C10orf67: variants seen among roughly 807,000 people sequenced by gnomAD.
The protein encoded by C10orf67 is chromosome 10 open reading frame 67.
C10orf67 carries 60 observed loss-of-function variants against 35.6 expected under a neutral mutation model. The observed-to-expected ratio is 1.68, with a 90% confidence interval of 1.37 to 2.09. The LOEUF (loss-of-function observed/expected upper bound fraction) is 2.09. Ranked by LOEUF, C10orf67 falls within the 30% of genes most tolerant of loss-of-function variation. The pLI is 0.00. For missense variants in C10orf67, 474 were observed against 330.2 expected (o/e 1.44, Z -3.38); for synonymous variants, 167 against 115.8 (o/e 1.44, Z -2.84).
chr10:23,264,971 G>C (rs1402636191), intron 10 of C10orf67, among the ~76,000 whole-genome samples: 1 of 152,046 alleles, frequency 6.6e-6, no homozygotes, highest in Non-Finnish European at 1.5e-5. Flanking sequence ...TTTTATATGT[G>C]GTCCAAAAAA....
At chr10:23,301,166 C>T (rs1564497981) in intron 5 of C10orf67, among the ~76,000 whole-genome samples, 2 of 152,226 alleles carry the variant, frequency 1.3e-5, no homozygotes, top group Non-Finnish European at 2.9e-5. Context: ...GGGGTGCACG[C>T]ATGGGCGACT....
intron 3 of C10orf67, 22 bp from the exon 4 acceptor site, chr10:23,320,837 A>G (rs1214023903): frequency 6.7e-7 from 1 of 1,493,904 alleles, no homozygotes; most frequent in Admixed American, 2.0e-5. Flanking sequence ...AATAAATGCA[A>G]TAAGCACCAT....
In C10orf67 at chr10:23,203,973, C is replaced by T. The variant is rs568421216; in HGVS notation, c.*200G>A. 2.7e-5 allele frequency: 10 copies of T among 368,574 alleles called. No individual in the cohort carries two copies. Among genetic ancestry groups the T allele is most frequent in the African/African-American group, 1.7e-4 (8 of 47,942 alleles). 22.8% of individuals were successfully genotyped at this position (368,574 alleles called of 1,614,324 possible). A position where few individuals can be genotyped will look rare whatever the true frequency, so the allele number is the denominator to read the frequency against. On this transcript the variant is annotated 3_prime_UTR_variant, in exon 16 of 16. Coordinates refer to ENST00000636213, the MANE Select transcript of C10orf67 (RefSeq NM_001371909.1). ...CACCAGCCAGGGCTTTCCTTAAAGG[C>T]GTGGAAAGGAGCGCGCACAAGGCGC... is the stretch of plus-strand genomic sequence containing the variant.
At chr10:23,233,113 T>C (rs185611860) in intron 13 of C10orf67, among the ~76,000 whole-genome samples, 50 of 152,292 alleles carry the variant, frequency 3.3e-4, no homozygotes, top group Non-Finnish European at 2.2e-4. Context: ...GCTATGATCA[T>C]GTTACTGCAC....
intron 1 of C10orf67, among the ~76,000 whole-genome samples, chr10:23,342,237 C>CAT (rs1845922794): frequency 6.6e-6 from 1 of 151,636 alleles, no homozygotes; most frequent in Admixed American, 6.6e-5. Context: ...CACACACACA[C>CAT]ACACTCTCAC....
At chr10:23,291,651 G>T (rs1843722584) in intron 5 of C10orf67, among the ~76,000 whole-genome samples, 1 of 152,194 alleles carries the variant, frequency 6.6e-6, no homozygotes, top group Admixed American at 6.5e-5. Flanking sequence ...TAGGCAGGCT[G>T]GGGGGACCAG....
intron 2 of C10orf67, among the ~76,000 whole-genome samples, chr10:23,328,916 T>A (rs1399482864): frequency 7.2e-6 from 1 of 138,822 alleles, no homozygotes; most frequent in Non-Finnish European, 1.5e-5. Flanking sequence ...GCCCAGGAGG[T>A]CAAGGCTGCA....
chr10:23,209,561 A>AGAG (rs1035847409), intron 15 of C10orf67, among the ~76,000 whole-genome samples: 1 of 152,192 alleles, frequency 6.6e-6, no homozygotes, highest in African/African-American at 2.4e-5. Context: ...AGGAGGAGGA[A>AGAG]GAGGAGAAGG....
intron 6 of C10orf67, among the ~76,000 whole-genome samples, 188 bp from the exon 7 acceptor site, chr10:23,290,146 C>T (rs1843677498): frequency 6.6e-6 from 1 of 152,164 alleles, no homozygotes; most frequent in South Asian, 2.1e-4. Flanking sequence ...GATGGCCGGT[C>T]AGATAGGGAT....
At chr10:23,290,267 G>A (rs1295784075) in intron 6 of C10orf67, among the ~76,000 whole-genome samples, 2 of 152,218 alleles carry the variant, frequency 1.3e-5, no homozygotes, top group African/African-American at 4.8e-5. Flanking sequence ...GCTTTAGCAG[G>A]TGGCAGTTTA....
intron 5 of C10orf67, among the ~76,000 whole-genome samples, chr10:23,296,185 T>A (rs561323604): frequency 2.6e-5 from 4 of 152,316 alleles, no homozygotes; most frequent in Non-Finnish European, 4.4e-5. Flanking sequence ...GTGTACTTTT[T>A]TTTTTTTGCA....
chr10:23,235,754 G>A (rs779602005), intron 13 of C10orf67, among the ~76,000 whole-genome samples: 7 of 152,172 alleles, frequency 4.6e-5, no homozygotes, highest in Non-Finnish European at 8.8e-5. Flanking sequence ...GATGCTCAAC[G>A]TCATTAATTA....
At chr10:23,214,412 C>T (rs1841382058) in intron 15 of C10orf67, among the ~76,000 whole-genome samples, 1 of 151,984 alleles carries the variant, frequency 6.6e-6, no homozygotes, top group Non-Finnish European at 1.5e-5. Context: ...GTTAAAGAGA[C>T]AATCATGATG....
chr10:23,203,879 C>T lies in C10orf67; in HGVS notation c.*294G>A, dbSNP rs746493183. 9.0e-5 allele frequency: 24 copies of T among 267,590 alleles called. No homozygotes were observed. The highest frequency in any genetic ancestry group is 3.5e-4 in the African/African-American group (16 of 45,474). The allele number at this position is 267,590 out of a possible 1,614,324, so 16.6% of individuals were successfully genotyped here. ...CTTCCCACTCTTAGACGCCTGGGCT[C>T]TTCTGAGTCCCCGGAGCTCCTGAAT... On this transcript the variant is annotated 3_prime_UTR_variant, in exon 16 of 16. Coordinates refer to ENST00000636213, the MANE Select transcript of C10orf67 (RefSeq NM_001371909.1).
chr10:23,272,059 G>T (rs1387969061), intron 8 of C10orf67, among the ~76,000 whole-genome samples: 1 of 152,120 alleles, frequency 6.6e-6, no homozygotes, highest in East Asian at 1.9e-4. Context: ...TGAGACTACA[G>T]GTGCATGCCA....
intron 8 of C10orf67, among the ~76,000 whole-genome samples, chr10:23,271,153 A>C (rs1267297811): frequency 6.6e-6 from 1 of 152,218 alleles, no homozygotes; most frequent in Non-Finnish European, 1.5e-5. Flanking sequence ...CTTTAAACCA[A>C]CGAAGATCAA....
chr10:23,304,519 C>T (rs1397804936), intron 4 of C10orf67, among the ~76,000 whole-genome samples: 1 of 152,088 alleles, frequency 6.6e-6, no homozygotes, highest in African/African-American at 2.4e-5. Flanking sequence ...TGAAGTAGCC[C>T]CGTGACCCAG....
In C10orf67 at chr10:23,250,632, A is replaced by G. The variant is rs1172732131; in HGVS notation, c.1260T>C (p.Asn420=). The change falls in exon 11 of 16, where the codon AAT becomes AAC. Residue 420 remains asparagine, a synonymous_variant. Coordinates refer to ENST00000636213, the MANE Select transcript of C10orf67 (RefSeq NM_001371909.1). ...AGTACCTTTCCACCTTCTTTTTCTCATTCTCTAAATTTGCCTTTAATGCTT... is the reference window on the plus strand; with the variant it reads ...AGTACCTTTCCACCTTCTTTTTCTCGTTCTCTAAATTTGCCTTTAATGCTT... ...QIEALKANLE[N]EKKKVERFRK... is the part of the protein sequence containing the mutation. 2.5e-6 allele frequency: 1 copy of G among 398,528 alleles called. No homozygotes were observed. The highest frequency in any genetic ancestry group is 4.4e-5 in the Admixed American group (1 of 22,710). The allele number at this position is 398,528 out of a possible 1,614,324, so 24.7% of individuals were successfully genotyped here.
chr10:23,206,874 TA>T (rs1024652553), intron 15 of C10orf67, among the ~76,000 whole-genome samples: 10 of 152,174 alleles, frequency 6.6e-5, no homozygotes, highest in African/African-American at 2.4e-4. Context: ...GTGGATAATT[TA>T]AAAGATATAA....
Sources: gnomAD v4.1 joint callset for allele counts (sites outside exome capture counted in the v4.1 genomes callset) on GRCh38, gnomAD v4.1.1 for gene constraint, MANE v1.5 for transcripts, NCBI Gene and HGNC (gene_info 2026-07-23, HGNC 2026-07-21) for gene names.